The following OMA1 variants were observed in gnomAD, a reference collection of about 807,000 sequenced individuals.
The protein encoded by OMA1 is OMA1 zinc metallopeptidase, also known as metalloendopeptidase OMA1, mitochondrial.
Under a neutral mutation model 30.9 loss-of-function variants are expected in OMA1, and 38 were observed. The observed-to-expected ratio is 1.23, with a 90% CI of 0.95 to 1.61. The LOEUF is 1.61. OMA1 is among the 40% of genes most tolerant of loss of function. The pLI is 0.00. For synonymous variants in OMA1, 173 were observed against 121.9 expected, an observed-to-expected ratio of 1.42 and a Z score of -2.76; for missense variants, 461 against 349.2, an observed-to-expected ratio of 1.32 and a Z score of -2.55.
At chr1:58,505,055 C>T (rs1221008713) in intron 8 of OMA1, among the ~76,000 whole-genome samples, 1 of 152,058 alleles carries the variant, frequency 6.6e-6, no homozygotes, top group Non-Finnish European at 1.5e-5. Flanking sequence ...AGGGTTCAAG[C>T]GATTCCCCTG....
At chr1:58,536,476 T>C (rs1646518770) in intron 3 of OMA1, 37 bp downstream of exon 3, 1 of 816,750 alleles carries the variant, frequency 1.2e-6, no homozygotes, top group Non-Finnish European at 2.2e-6. Flanking sequence ...GAGTGTTATA[T>C]TAAGCAGTCT....
chr1:58,536,401 T>C, intron 3 of OMA1, 112 bp downstream of exon 3: 1 of 637,844 alleles, frequency 1.6e-6, no homozygotes, highest in Non-Finnish European at 2.8e-6. Context: ...AAAATGCTAA[T>C]TTCATATCAA....
chr1:58,525,560 A>G (rs974577631), intron 7 of OMA1, among the ~76,000 whole-genome samples: 3 of 152,130 alleles, frequency 2.0e-5, no homozygotes, highest in Admixed American at 6.5e-5. Context: ...ATCGAGAAAA[A>G]TTAAACATCT....
At chr1:58,544,892 C>T (rs1646676654) in intron 1 of OMA1, among the ~76,000 whole-genome samples, 1 of 152,184 alleles carries the variant, frequency 6.6e-6, no homozygotes, top group South Asian at 2.1e-4. Context: ...CCGCACCTGG[C>T]CAGCCCAGCT....
intron 3 of OMA1, 52 bp from the exon 4 acceptor site, chr1:58,534,383 A>G (rs1244645564): frequency 1.3e-6 from 1 of 748,422 alleles, no homozygotes; most frequent in Non-Finnish European, 2.3e-6. Flanking sequence ...CAAAATGCTT[A>G]CTCTGCTTCA....
chr1:58,489,264 G>A lies in OMA1; in HGVS notation c.1366-8090C>T, dbSNP rs140122112. Among the ~76,000 whole-genome samples, 883 of 152,300 alleles carry A rather than the reference G, an allele frequency of 5.8e-3. 32 individuals carry two copies. Among genetic ancestry groups the A allele is most frequent in the Admixed American group, 0.054 (827 of 15,300 alleles). ...CACCCTAATACTGCAATTTTCCGAC[G>A]GTCTTAGCAAACGGCACACCAGGAG... On this transcript the variant is annotated intron_variant, in intron 8 of 8. Coordinates refer to ENST00000371226, the MANE Select transcript of OMA1 (RefSeq NM_145243.5).
intron 8 of OMA1, among the ~76,000 whole-genome samples, chr1:58,504,614 TTGTTCCTTGC>T (rs1381947511): frequency 6.6e-6 from 1 of 152,216 alleles, no homozygotes; most frequent in Non-Finnish European, 1.5e-5. Flanking sequence ...ACAGACTGTT[TTGTTCCTTGC>T]TCATTCCCCA....
At chr1:58,507,371 G>C (rs908137621) in intron 7 of OMA1, among the ~76,000 whole-genome samples, 7 of 151,770 alleles carry the variant, frequency 4.6e-5, no homozygotes, top group Admixed American at 3.9e-4. Flanking sequence ...TATATTAATA[G>C]AACACTGCAT....
At position 58,533,963 on chromosome 1, in the gene OMA1, A is replaced by G; in HGVS notation, c.1001T>C (p.Leu334Pro). ...LLGHEIAHAVLGHAAEKAGMV... is the reference protein window; with the variant it reads ...LLGHEIAHAVPGHAAEKAGMV... ...ATTTTAGGTACTTACAGCATGCCCA[A>G]GTACTGCATGTGCTATTTCATGGCC... is the stretch of plus-strand genomic sequence containing the variant. Residue 334 changes from leucine (L) to proline (P), a missense_variant, in exon 5 of 9, where the codon CTT (leucine) becomes CCT (proline). Transcript: ENST00000371226. 1.1e-6 allele frequency: 1 copy of G among 872,444 alleles called. No homozygotes were observed. The highest frequency in any genetic ancestry group is 2.0e-6 in the Non-Finnish European group (1 of 501,474). The allele number at this position is 872,444 out of a possible 1,614,324, so 54.0% of individuals were successfully genotyped here. A position where few individuals can be genotyped will look rare whatever the true frequency, so the allele number is the denominator to read the frequency against.
intron 7 of OMA1, among the ~76,000 whole-genome samples, chr1:58,515,885 A>G (rs1440657901): frequency 6.6e-6 from 1 of 152,190 alleles, no homozygotes; most frequent in East Asian, 1.9e-4. Flanking sequence ...TCCTGCTCTA[A>G]AAGTCTATGA....
At chr1:58,504,954 ATACT>A (rs1645963354) in intron 8 of OMA1, among the ~76,000 whole-genome samples, 2 of 151,714 alleles carry the variant, frequency 1.3e-5, no homozygotes, top group South Asian at 4.2e-4. Flanking sequence ...ATACTGAAAG[ATACT>A]TCTTTTTTTT....
chr1:58,482,227 A>G (rs769931476), intron 8 of OMA1, among the ~76,000 whole-genome samples: 1 of 152,192 alleles, frequency 6.6e-6, no homozygotes, highest in Non-Finnish European at 1.5e-5. Flanking sequence ...CTTACGTCTC[A>G]TCCTGTAAGG....
chr1:58,531,949 CA>C (rs768380272), intron 5 of OMA1, among the ~76,000 whole-genome samples: 1 of 152,024 alleles, frequency 6.6e-6, no homozygotes, highest in Non-Finnish European at 1.5e-5. Flanking sequence ...CCTCATGATC[CA>C]CCCACCTCAG....
intron 5 of OMA1, among the ~76,000 whole-genome samples, chr1:58,531,696 A>T (rs1413775773): frequency 1.6e-5 from 2 of 128,248 alleles, no homozygotes; most frequent in Non-Finnish European, 3.3e-5. Context: ...GTGTGTTTTG[A>T]AAAACAATTA....
chr1:58,504,307 T>C (rs578066066), intron 8 of OMA1, among the ~76,000 whole-genome samples: 2 of 152,352 alleles, frequency 1.3e-5, no homozygotes, highest in South Asian at 4.1e-4. Context: ...TTGCTATTCC[T>C]TGAACACATC....
At chr1:58,490,336 G>C (rs11207242) in intron 8 of OMA1, among the ~76,000 whole-genome samples, 27,041 of 151,976 alleles carry the variant, frequency 0.18, 2,541 homozygotes, top group Middle Eastern at 0.23. Context: ...GGAAGAAAAG[G>C]TATCAGTGAT....
intron 8 of OMA1, among the ~76,000 whole-genome samples, chr1:58,482,689 G>A (rs1238406725): frequency 6.6e-6 from 1 of 152,144 alleles, no homozygotes; most frequent in Non-Finnish European, 1.5e-5. Flanking sequence ...TGGGGGTCAA[G>A]AGGGGGACAG....
At chr1:58,517,020 G>A (rs556113578) in intron 7 of OMA1, among the ~76,000 whole-genome samples, 2 of 152,302 alleles carry the variant, frequency 1.3e-5, no homozygotes, top group East Asian at 3.9e-4. Context: ...AGTCAAGGGA[G>A]TCTGATGCAT....
At chr1:58,502,507 C>T (rs1645922515) in intron 8 of OMA1, among the ~76,000 whole-genome samples, 1 of 152,220 alleles carries the variant, frequency 6.6e-6, no homozygotes, top group African/African-American at 2.4e-5. Flanking sequence ...GTATTCTCAA[C>T]TGCCTTTGAG....
Sources: allele counts gnomAD v4.1 joint callset (sites outside exome capture counted in the v4.1 genomes callset), GRCh38; gene constraint gnomAD v4.1.1; transcripts MANE v1.5; gene names NCBI Gene and HGNC (gene_info 2026-07-23, HGNC 2026-07-21).